ST8SIA1: variants seen among roughly 807,000 people sequenced by gnomAD.
ST8SIA1 encodes the protein alpha-N-acetylneuraminide alpha-2,8-sialyltransferase.
ST8SIA1 carries 16 observed loss-of-function variants against 35.9 expected under a neutral mutation model. That is an observed-to-expected ratio of 0.45 (90% CI 0.30 to 0.68). ST8SIA1 has a LOEUF of 0.68. Ranked by LOEUF, ST8SIA1 falls within the 30% of genes least tolerant of loss-of-function variation. ST8SIA1 has a pLI of 0.09. For synonymous variants in ST8SIA1, 170 were observed against 169.6 expected (o/e 1.00, Z -0.02); for missense variants, 383 against 453.6 (o/e 0.84, Z 1.41).
At chr12:22,307,607 G>A (rs1272892154) in intron 1 of ST8SIA1, among the ~76,000 whole-genome samples, 1 of 152,142 alleles carries the variant, frequency 6.6e-6, no homozygotes, top group Non-Finnish European at 1.5e-5. Context: ...CACTGAATTT[G>A]CAACAGAACT....
intron 1 of ST8SIA1, among the ~76,000 whole-genome samples, chr12:22,303,756 G>A (rs1035310660): frequency 6.6e-6 from 1 of 150,696 alleles, no homozygotes; most frequent in African/African-American, 2.4e-5. Context: ...AACTCCATCC[G>A]ACTTAATCAA....
rs756737248 is a variant in ST8SIA1, at chr12:22,334,049, G to C, written c.184C>G (p.Leu62Val). Residue 62 changes from leucine (L) to valine (V), a missense_variant, in exon 1 of 5, where the codon CTG (leucine) becomes GTG (valine). Transcript: ENST00000396037. ...CTCCTCCACGCCGTGCCCTGTTGCA[G>C]CACCCCCTGCACGATCTCTTTCTCG... ...PNEKEIVQGV[L>V]QQGTAWRRNQ... is the part of the protein sequence containing the mutation. 5.6e-6 allele frequency: 9 copies of C among 1,614,068 alleles called. 1 individual carries two copies. In the South Asian group the frequency reaches 8.8e-5, roughly 16 times the overall value.
At chr12:22,214,367 T>A (rs1865210888) in intron 4 of ST8SIA1, among the ~76,000 whole-genome samples, 1 of 152,136 alleles carries the variant, frequency 6.6e-6, no homozygotes, top group Non-Finnish European at 1.5e-5. Context: ...GAAATTACTA[T>A]GAAATTGATT....
intron 1 of ST8SIA1, among the ~76,000 whole-genome samples, chr12:22,316,441 C>G (rs1265147819): frequency 6.6e-6 from 1 of 151,998 alleles, no homozygotes; most frequent in Non-Finnish European, 1.5e-5. Context: ...TCAGTAACAT[C>G]TTGTGGAAAA....
intron 4 of ST8SIA1, among the ~76,000 whole-genome samples, chr12:22,218,511 G>A (rs928524132): frequency 6.0e-5 from 8 of 133,972 alleles, no homozygotes; most frequent in East Asian, 2.3e-4. Flanking sequence ...CCAGCTACTC[G>A]CGAAGCTGAG....
chr12:22,255,897 G>A (rs1302599697), intron 2 of ST8SIA1, among the ~76,000 whole-genome samples: 1 of 152,224 alleles, frequency 6.6e-6, no homozygotes, highest in Non-Finnish European at 1.5e-5. Flanking sequence ...AATTTGGGAT[G>A]TGAGGAGAGA....
chr12:22,244,494 C>T (rs1201580878), intron 4 of ST8SIA1, among the ~76,000 whole-genome samples: 1 of 152,076 alleles, frequency 6.6e-6, no homozygotes, highest in Non-Finnish European at 1.5e-5. Flanking sequence ...TACTGTCTCA[C>T]TCGACAGACT....
chr12:22,261,090 G>A (rs1865786085), intron 2 of ST8SIA1, among the ~76,000 whole-genome samples: 1 of 151,408 alleles, frequency 6.6e-6, no homozygotes, highest in Admixed American at 6.6e-5. Flanking sequence ...TGTTACCCAA[G>A]CTAATTTATA....
rs1466987593 is a variant in ST8SIA1 at position 22,258,771 on chromosome 12, G to C, written c.382-3382C>G. 2.6e-5 allele frequency among the ~76,000 whole-genome samples: 4 copies of C among 152,280 alleles called. No individual in the cohort carries two copies. In the East Asian group the frequency reaches 7.7e-4, roughly 29 times the overall value. On this transcript the variant is annotated intron_variant, in intron 2 of 4. Transcript: ENST00000396037. ...AAGCCAACTAAAAATCCCTTTAATTGTTGTCAAAGAGTGGTTCTTGCTTGA... is the reference window on the plus strand; with the variant it reads ...AAGCCAACTAAAAATCCCTTTAATTCTTGTCAAAGAGTGGTTCTTGCTTGA...
intron 2 of ST8SIA1, among the ~76,000 whole-genome samples, chr12:22,280,145 C>A (rs1478994345): frequency 6.6e-6 from 1 of 152,098 alleles, no homozygotes; most frequent in Non-Finnish European, 1.5e-5. Context: ...TTAAGCGACT[C>A]CTAATAGAGT....
At chr12:22,217,615 A>T (rs1284297184) in intron 4 of ST8SIA1, among the ~76,000 whole-genome samples, 1 of 152,228 alleles carries the variant, frequency 6.6e-6, no homozygotes, top group African/African-American at 2.4e-5. Flanking sequence ...TTTGAAAAAA[A>T]TAATAATAGC....
At chr12:22,305,547 A>G (rs138542908) in intron 1 of ST8SIA1, among the ~76,000 whole-genome samples, 1 of 151,934 alleles carries the variant, frequency 6.6e-6, no homozygotes, top group East Asian at 1.9e-4. Flanking sequence ...TGCCCAGATA[A>G]TTTTTGTATT....
At chr12:22,217,255 A>T (rs1304435666) in intron 4 of ST8SIA1, among the ~76,000 whole-genome samples, 1 of 152,144 alleles carries the variant, frequency 6.6e-6, no homozygotes, top group African/African-American at 2.4e-5. Context: ...TATTTGTTTA[A>T]GTTTCTTTAT....
At chr12:22,239,649 C>T (rs1865517519) in intron 4 of ST8SIA1, among the ~76,000 whole-genome samples, 1 of 152,100 alleles carries the variant, frequency 6.6e-6, no homozygotes, top group Non-Finnish European at 1.5e-5. Context: ...TCATCTGGTA[C>T]TTTTTGTTTG....
chr12:22,202,920 C>T (rs1321641563), intron 4 of ST8SIA1, among the ~76,000 whole-genome samples: 1 of 152,124 alleles, frequency 6.6e-6, no homozygotes, highest in Non-Finnish European at 1.5e-5. Flanking sequence ...CAAGGATTCC[C>T]TGTCCCTAGA....
chr12:22,233,602 G>A (rs566653731), intron 4 of ST8SIA1, among the ~76,000 whole-genome samples: 1 of 151,942 alleles, frequency 6.6e-6, no homozygotes, highest in South Asian at 2.1e-4. Context: ...TAAAACACGG[G>A]TAAGCTGCGA....
intron 1 of ST8SIA1, among the ~76,000 whole-genome samples, chr12:22,301,348 A>C (rs80240670): frequency 1.1e-4 from 16 of 152,192 alleles, no homozygotes; most frequent in East Asian, 9.7e-4. Flanking sequence ...AGACTAAACT[A>C]ATAGAAGACT....
chr12:22,249,064 T>C lies in ST8SIA1; in HGVS notation c.526A>G (p.Lys176Glu). ...NLPPLSSEYT[K>E]DVGSKSQLVT... is the part of the protein sequence containing the mutation. ...AACTGACTTTTGGATCCAACATCCT[T>C]AGTGTATTCACTTGACAAAGGAGGG... The change falls in exon 4 of 5, where the codon AAG (lysine) becomes GAG (glutamate). Residue 176 changes from lysine to glutamate, a missense_variant. Coordinates refer to ENST00000396037, the MANE Select transcript of ST8SIA1 (RefSeq NM_003034.4). 3.1e-6 allele frequency: 5 copies of C among 1,613,962 alleles called. No individual in the cohort carries two copies. The highest frequency in any genetic ancestry group is 3.4e-6 in the Non-Finnish European group (4 of 1,179,888).
intron 4 of ST8SIA1, among the ~76,000 whole-genome samples, chr12:22,233,571 T>C (rs1865441583): frequency 6.6e-6 from 1 of 152,176 alleles, no homozygotes; most frequent in African/African-American, 2.4e-5. Context: ...TGGAATTTTC[T>C]TGTTTTCTCT....
Sources: allele counts gnomAD v4.1 joint callset (sites outside exome capture counted in the v4.1 genomes callset), GRCh38; gene constraint gnomAD v4.1.1; transcripts MANE v1.5; gene names NCBI Gene and HGNC (gene_info 2026-07-23, HGNC 2026-07-21).